The following TMEM245 variants were observed in gnomAD, a reference collection of about 807,000 sequenced individuals.
The protein encoded by TMEM245 is protein CG-2.
A neutral mutation model predicts 101.2 loss-of-function variants in TMEM245; 69 were observed. The observed-to-expected ratio is 0.68, with a 90% confidence interval of 0.56 to 0.83. The LOEUF (loss-of-function observed/expected upper bound fraction) is 0.83. TMEM245 is among the 40% of genes least tolerant of loss of function. The pLI is 0.00. For synonymous variants in TMEM245, 537 were observed against 449.8 expected (o/e 1.19, Z -2.45); for missense variants, 1,075 against 1,092.8 (o/e 0.98, Z 0.23).
intron 17 of TMEM245, among the ~76,000 whole-genome samples, chr9:109,026,292 C>CA (rs895400651): frequency 6.9e-5 from 10 of 144,632 alleles, no homozygotes; most frequent in Non-Finnish European, 1.1e-4. Context: ...AACTGCACTA[C>CA]AAAAAAAAAA....
At chr9:109,097,854 G>C (rs749073405) in intron 3 of TMEM245, among the ~76,000 whole-genome samples, 2 of 152,226 alleles carry the variant, frequency 1.3e-5, no homozygotes, top group Admixed American at 6.5e-5. Context: ...CCGGGAGGCA[G>C]AGGCTTCAGT....
At chr9:109,108,255 G>A (rs1168883422) in intron 2 of TMEM245, among the ~76,000 whole-genome samples, 198 bp downstream of exon 2, 1 of 151,886 alleles carries the variant, frequency 6.6e-6, no homozygotes, top group East Asian at 1.9e-4. Flanking sequence ...TTTGGAAAAT[G>A]AACATAATTA....
rs777793464 is a variant in TMEM245 at position 109,036,381 on chromosome 9, C to A, written c.2225-1G>T. 1.3e-6 allele frequency: 2 copies of A among 1,574,540 alleles called. No homozygotes were observed. Among genetic ancestry groups the A allele is most frequent in the Non-Finnish European group, 1.7e-6 (2 of 1,167,346 alleles). On this transcript the variant is annotated splice_acceptor_variant, in intron 15 of 17. Coordinates refer to ENST00000374586, the MANE Select transcript of TMEM245 (RefSeq NM_032012.4). LOFTEE classifies it high-confidence loss of function. ...ACTGCTCCAAGGATTGCTGCTAATGCTGAAAAAAGAGTAAAAGAAAAACAA... is the reference window on the plus strand; with the variant it reads ...ACTGCTCCAAGGATTGCTGCTAATGATGAAAAAAGAGTAAAAGAAAAACAA...
chr9:109,111,730 T>C (rs1172531266), intron 1 of TMEM245, among the ~76,000 whole-genome samples: 1 of 152,160 alleles, frequency 6.6e-6, no homozygotes, highest in Non-Finnish European at 1.5e-5. Context: ...AAAAATTGAG[T>C]AATTAGTCAG....
chr9:109,033,648 C>G, intron 16 of TMEM245, 147 bp from the exon 17 acceptor site: 1 of 641,014 alleles, frequency 1.6e-6, no homozygotes, highest in Non-Finnish European at 2.4e-6. Flanking sequence ...CAACTGAACA[C>G]TGACTGCAAT....
Position 109,058,037 on chromosome 9 carries a change from A to G in TMEM245, c.1723-715T>C, listed in dbSNP as rs145562573. ...TTTTTTTGGGACGGGGTCTTGCTCT[A>G]TCACCCAGGCTAGAGTGCAGTGGTG... On this transcript the variant is annotated intron_variant, in intron 11 of 17. Coordinates refer to ENST00000374586, the MANE Select transcript of TMEM245 (RefSeq NM_032012.4). Among the ~76,000 whole-genome samples, 278 of 126,428 alleles carry G rather than the reference A, an allele frequency of 2.2e-3. 4 individuals carry two copies. Among genetic ancestry groups the G allele is most frequent in the African/African-American group, 7.7e-3 (256 of 33,170 alleles). 82.9% of individuals were successfully genotyped at this position (126,428 alleles called of 152,430 possible).
At chr9:109,094,842 C>T (rs1043619193) in intron 3 of TMEM245, among the ~76,000 whole-genome samples, 3 of 152,168 alleles carry the variant, frequency 2.0e-5, no homozygotes, top group Non-Finnish European at 4.4e-5. Flanking sequence ...GCCAAGACTC[C>T]GTATGGCAAC....
chr9:109,105,356 G>T (rs116536372), intron 3 of TMEM245, among the ~76,000 whole-genome samples: 1,560 of 152,284 alleles, frequency 0.01, 32 homozygotes, highest in African/African-American at 0.035. Context: ...AAAATAATAG[G>T]TGTTGGCAAG....
rs145132477 is a variant in TMEM245 at position 109,071,608 on chromosome 9, A to C, written c.1532+1748T>G. On this transcript the variant is annotated intron_variant, in intron 9 of 17. Transcript: ENST00000374586. ...GACAGAGCAAGACCCTGTCTCAAAA[A>C]AAAAAAAAAAATTTTATTCTAAATC... Among the ~76,000 whole-genome samples the C allele has an allele frequency of 1.0e-2, 1,518 of 151,944 alleles. 10 individuals carry two copies. Among genetic ancestry groups the C allele is most frequent in the Non-Finnish European group, 0.013 (882 of 67,938 alleles).
At chr9:109,054,869 C>G (rs1828786127) in intron 12 of TMEM245, among the ~76,000 whole-genome samples, 1 of 152,140 alleles carries the variant, frequency 6.6e-6, no homozygotes, top group Admixed American at 6.5e-5. Flanking sequence ...TGCAGAATCA[C>G]TGGGAGAATT....
chr9:109,038,850 G>A (rs1370355569), intron 14 of TMEM245: 1 of 152,206 alleles, frequency 6.6e-6, no homozygotes, highest in Non-Finnish European at 1.5e-5. Context: ...TTTTCAGTTG[G>A]AAGATTAGTA....
Position 109,016,256 on chromosome 9 carries a change from ATTCC to A in TMEM245, c.*4200_*4203del, listed in dbSNP as rs773926528. 5.3e-5 allele frequency: 8 copies of A among 152,132 alleles called. No individual in the cohort carries two copies. Among genetic ancestry groups the A allele is most frequent in the Admixed American group, 2.6e-4 (4 of 15,276 alleles). The allele number at this position is 152,132 out of a possible 1,614,324, so 9.4% of individuals were successfully genotyped here. On this transcript the variant is annotated 3_prime_UTR_variant, in exon 18 of 18. Coordinates refer to ENST00000374586, the MANE Select transcript of TMEM245 (RefSeq NM_032012.4). ...CCTACAGTAAGGAAACAAACTCAGC[ATTCC>A]TTCATTTTAATTGACCATGCAATCC...
chr9:109,095,731 T>G (rs1356682200), intron 3 of TMEM245, among the ~76,000 whole-genome samples: 2 of 152,188 alleles, frequency 1.3e-5, no homozygotes, highest in Non-Finnish European at 2.9e-5. Context: ...GTACCACAAT[T>G]TGTCCAGTTT....
intron 17 of TMEM245, among the ~76,000 whole-genome samples, chr9:109,021,889 C>G (rs965699614): frequency 6.6e-6 from 1 of 152,004 alleles, no homozygotes; most frequent in East Asian, 1.9e-4. Context: ...AGTAAGTGTT[C>G]CAAAACCTAA....
chr9:109,081,314 AG>A (rs1389284985), intron 7 of TMEM245, among the ~76,000 whole-genome samples: 2 of 152,222 alleles, frequency 1.3e-5, no homozygotes, highest in Non-Finnish European at 2.9e-5. Context: ...CTGTATCATC[AG>A]TTTAACAAAT....
At chr9:109,079,884 A>G (rs927250890) in intron 8 of TMEM245, among the ~76,000 whole-genome samples, 27 of 152,142 alleles carry the variant, frequency 1.8e-4, no homozygotes, top group Non-Finnish European at 2.4e-4. Context: ...TGCACAGTAT[A>G]TATACGTGAC....
intron 9 of TMEM245, among the ~76,000 whole-genome samples, chr9:109,066,023 T>TA (rs1829155623): frequency 6.6e-6 from 1 of 152,040 alleles, no homozygotes; most frequent in African/African-American, 2.4e-5. Flanking sequence ...CAGAAAAAAA[T>TA]AAGAGATCTT....
intron 17 of TMEM245, among the ~76,000 whole-genome samples, chr9:109,021,814 C>A (rs1827633716): frequency 6.6e-6 from 1 of 151,960 alleles, no homozygotes; most frequent in Non-Finnish European, 1.5e-5. Context: ...CCACCACCAC[C>A]CCCCCAAAAA....
At chr9:109,039,051 G>A (rs1243045858) in intron 14 of TMEM245, 2 of 152,180 alleles carry the variant, frequency 1.3e-5, no homozygotes, top group Admixed American at 6.5e-5. Flanking sequence ...AAAAGAAGAC[G>A]TTAGCGGCAA....
Sources: allele counts gnomAD v4.1 joint callset (sites outside exome capture counted in the v4.1 genomes callset), GRCh38; gene constraint gnomAD v4.1.1; transcripts MANE v1.5; gene names NCBI Gene and HGNC (gene_info 2026-07-23, HGNC 2026-07-21).